SHISA6: variants seen among roughly 807,000 people sequenced by gnomAD.
The protein encoded by SHISA6 is shisa family member 6.
Under a neutral mutation model 47.9 loss-of-function variants are expected in SHISA6, and 22 were observed. The ratio of observed to expected loss-of-function variants is 0.46; its 90% confidence interval spans 0.33 to 0.66. The LOEUF (loss-of-function observed/expected upper bound fraction) is 0.66, where lower values mean the gene tolerates loss of function less well. Among genes scored for constraint, SHISA6 ranks in the 30% least tolerant of loss-of-function variants. SHISA6 has a pLI of 0.02. For missense variants in SHISA6, 680 were observed against 764.6 expected (o/e 0.89, Z 1.30); for synonymous variants, 388 against 337.8 (o/e 1.15, Z -1.63).
At chr17:11,378,248 A>G (rs1010569548) in intron 2 of SHISA6, among the ~76,000 whole-genome samples, 3 of 152,270 alleles carry the variant, frequency 2.0e-5, no homozygotes, top group Non-Finnish European at 4.4e-5. Flanking sequence ...AGAAAAGCTG[A>G]AAAGACAGAA....
At chr17:11,249,982 C>A (rs987310849) in intron 1 of SHISA6, among the ~76,000 whole-genome samples, 1 of 152,130 alleles carries the variant, frequency 6.6e-6, no homozygotes, top group East Asian at 1.9e-4. Context: ...TCATGAGGAA[C>A]GACAATTATT....
At chr17:11,242,114 G>A in intron 1 of SHISA6, 54 bp downstream of exon 1, 1 of 1,544,300 alleles carries the variant, frequency 6.5e-7, no homozygotes, top group Non-Finnish European at 8.7e-7. Flanking sequence ...CACCCTCTCA[G>A]CTTGCTTCCC....
At chr17:11,333,562 T>C (rs1490606048) in intron 2 of SHISA6, among the ~76,000 whole-genome samples, 1 of 152,162 alleles carries the variant, frequency 6.6e-6, no homozygotes, top group Admixed American at 6.5e-5. Context: ...TCGCCCAGGC[T>C]GGAGTGCAGT....
intron 2 of SHISA6, among the ~76,000 whole-genome samples, chr17:11,295,577 T>C (rs572826164): frequency 6.6e-6 from 1 of 152,270 alleles, no homozygotes; most frequent in South Asian, 2.1e-4. Flanking sequence ...AAATGAGTCA[T>C]AAAGGATTTT....
intron 3 of SHISA6, among the ~76,000 whole-genome samples, chr17:11,395,132 G>A (rs1913526522): frequency 6.7e-6 from 1 of 149,990 alleles, no homozygotes; most frequent in Non-Finnish European, 1.5e-5. Flanking sequence ...AAGTACATAT[G>A]TATTTTTTTA....
At chr17:11,484,398 G>A (rs1469083815) in intron 3 of SHISA6, among the ~76,000 whole-genome samples, 1 of 152,042 alleles carries the variant, frequency 6.6e-6, no homozygotes, top group Admixed American at 6.6e-5. Flanking sequence ...TATAAAAAAG[G>A]GTTTTTGTTG....
intron 3 of SHISA6, among the ~76,000 whole-genome samples, chr17:11,535,587 G>A (rs1285711425): frequency 6.6e-6 from 1 of 152,168 alleles, no homozygotes; most frequent in Non-Finnish European, 1.5e-5. Flanking sequence ...TTTATTACCA[G>A]TGTGCAAACC....
At chr17:11,367,913 C>T (rs1189118663) in intron 2 of SHISA6, among the ~76,000 whole-genome samples, 1 of 152,162 alleles carries the variant, frequency 6.6e-6, no homozygotes, top group Non-Finnish European at 1.5e-5. Context: ...GGAAAGTTCT[C>T]TCTTAGGTGC....
At chr17:11,270,981 A>T (rs1415233556) in intron 2 of SHISA6, among the ~76,000 whole-genome samples, 1 of 152,202 alleles carries the variant, frequency 6.6e-6, no homozygotes, top group Non-Finnish European at 1.5e-5. Flanking sequence ...ACCAGGGTTC[A>T]TGAGGCCTGA....
At chr17:11,434,820 C>T (rs1035095480) in intron 3 of SHISA6, among the ~76,000 whole-genome samples, 6 of 152,128 alleles carry the variant, frequency 3.9e-5, no homozygotes, top group Non-Finnish European at 4.4e-5. Context: ...ATATCCAAAG[C>T]GGAGGACAGG....
chr17:11,355,883 C>A (rs184897458), intron 2 of SHISA6, among the ~76,000 whole-genome samples: 1 of 152,156 alleles, frequency 6.6e-6, no homozygotes, highest in Admixed American at 6.5e-5. Context: ...AGACACCCTG[C>A]CATTTGCACT....
intron 2 of SHISA6, among the ~76,000 whole-genome samples, chr17:11,353,625 C>T (rs1237213593): frequency 6.6e-6 from 1 of 152,202 alleles, no homozygotes; most frequent in East Asian, 1.9e-4. Context: ...CTAGAAAAAC[C>T]CTGGGAACAG....
At chr17:11,282,273 T>TG (rs2142161746) in intron 2 of SHISA6, among the ~76,000 whole-genome samples, 1 of 152,312 alleles carries the variant, frequency 6.6e-6, no homozygotes, top group East Asian at 1.9e-4. Flanking sequence ...TATTCACTTG[T>TG]TGCCCAGATT....
chr17:11,442,623 C>T (rs574701781), intron 3 of SHISA6, among the ~76,000 whole-genome samples: 12 of 152,296 alleles, frequency 7.9e-5, no homozygotes, highest in African/African-American at 2.6e-4. Context: ...ATGTTTAGCT[C>T]AGTGCCTGGC....
chr17:11,481,354 GTGTGTGTGTGTGTATA>G (rs1383532964), intron 3 of SHISA6, among the ~76,000 whole-genome samples: 3 of 114,108 alleles, frequency 2.6e-5, no homozygotes, highest in African/African-American at 1.1e-4. Context: ...GTGTGTGTGT[GTGTGTGTGTGTGTATA>G]TATATATATA....
intron 2 of SHISA6, among the ~76,000 whole-genome samples, chr17:11,376,820 G>T (rs1912818219): frequency 6.6e-6 from 1 of 152,136 alleles, no homozygotes; most frequent in African/African-American, 2.4e-5. Context: ...CATCATCTGG[G>T]AACTTGTTAG....
chr17:11,308,551 T>C (rs1910209495), intron 2 of SHISA6, among the ~76,000 whole-genome samples: 1 of 152,106 alleles, frequency 6.6e-6, no homozygotes, highest in Non-Finnish European at 1.5e-5. Flanking sequence ...ATTAAATAAC[T>C]CACTAAACAC....
At chr17:11,331,961 C>T (rs571620906) in intron 2 of SHISA6, among the ~76,000 whole-genome samples, 2 of 152,176 alleles carry the variant, frequency 1.3e-5, no homozygotes, top group Admixed American at 6.5e-5. Context: ...CTCACACTGC[C>T]GGTGGAGCGG....
At chr17:11,478,750 T>A (rs28873378) in intron 3 of SHISA6, among the ~76,000 whole-genome samples, 3,198 of 119,322 alleles carry the variant, frequency 0.027, 143 homozygotes, top group African/African-American at 0.098. Context: ...GCGTTATTTC[T>A]GAGGGCTCTG....
Sources: gnomAD v4.1 joint callset for allele counts (sites outside exome capture counted in the v4.1 genomes callset) on GRCh38, gnomAD v4.1.1 for gene constraint, MANE v1.5 for transcripts, NCBI Gene and HGNC (gene_info 2026-07-23, HGNC 2026-07-21) for gene names.